Variants in HRH4 observed in about 807,000 individuals in gnomAD.
HRH4 encodes histamine H4 receptor.
Under a neutral mutation model 10.4 loss-of-function variants are expected in HRH4, and 12 were observed. The observed-to-expected ratio is 1.15, with a 90% CI of 0.74 to 1.87. The LOEUF (loss-of-function observed/expected upper bound fraction) is 1.87, where lower values mean the gene tolerates loss of function less well. Ranked by LOEUF, HRH4 falls within the 40% of genes most tolerant of loss-of-function variation. The pLI, the probability that HRH4 is intolerant of heterozygous loss-of-function variation, is 0.00. For synonymous variants in HRH4, 154 were observed against 166.6 expected, an observed-to-expected ratio of 0.92 and a Z score of 0.58; for missense variants, 415 against 453.3, an observed-to-expected ratio of 0.92 and a Z score of 0.77.
At chr18:24,468,086 G>T (rs904126446) in intron 1 of HRH4, among the ~76,000 whole-genome samples, 1 of 152,142 alleles carries the variant, frequency 6.6e-6, no homozygotes, top group Non-Finnish European at 1.5e-5. Flanking sequence ...TGGTGTCTGT[G>T]GGGGGTTTGT....
intron 1 of HRH4, among the ~76,000 whole-genome samples, chr18:24,461,853 C>T (rs933775895): frequency 1.3e-5 from 2 of 150,786 alleles, no homozygotes; most frequent in Non-Finnish European, 2.9e-5. Flanking sequence ...CTGTATAATA[C>T]TGCTAGGTAT....
At chr18:24,473,503 G>A (rs1910038020) in intron 2 of HRH4, among the ~76,000 whole-genome samples, 1 of 152,202 alleles carries the variant, frequency 6.6e-6, no homozygotes, top group Admixed American at 6.5e-5. Context: ...TCCTTGGCTT[G>A]TAGATGCGTC....
In HRH4 at chr18:24,477,717, G is replaced by T; in HGVS notation, c.*155G>T. ...GAATAATAGCAGTATAATATGACTT[G>T]ATAATATTTTTGTAAACTTGTAGTC... is the stretch of plus-strand genomic sequence containing the variant. On this transcript the variant is annotated 3_prime_UTR_variant, in exon 3 of 3. Coordinates refer to ENST00000256906, the MANE Select transcript of HRH4 (RefSeq NM_021624.4). 1.9e-6 allele frequency: 1 copy of T among 530,636 alleles called. No individual in the cohort carries two copies. The highest frequency in any genetic ancestry group is 3.5e-5 in the South Asian group (1 of 28,226). The allele number at this position is 530,636 out of a possible 1,614,324, so 32.9% of individuals were successfully genotyped here.
Position 24,477,653 on chromosome 18 carries a change from C to T in HRH4, c.*91C>T. ...TATCTTGCCCTTTTCATTCTACCAA[C>T]AGATCTGCACTTTGAAGTCAATGGT... is the stretch of plus-strand genomic sequence containing the variant. On this transcript the variant is annotated 3_prime_UTR_variant, in exon 3 of 3. Coordinates refer to ENST00000256906, the MANE Select transcript of HRH4 (RefSeq NM_021624.4). 3.8e-6 allele frequency: 3 copies of T among 788,136 alleles called. No homozygotes were observed. The highest frequency in any genetic ancestry group is 5.9e-6 in the Non-Finnish European group (3 of 505,090). The allele number at this position is 788,136 out of a possible 1,614,324, so 48.8% of individuals were successfully genotyped here. A position where few individuals can be genotyped will look rare whatever the true frequency, so the allele number is the denominator to read the frequency against.
intron 2 of HRH4, among the ~76,000 whole-genome samples, chr18:24,475,059 T>C (rs753209399): frequency 2.0e-5 from 3 of 152,164 alleles, no homozygotes; most frequent in Non-Finnish European, 2.9e-5. Flanking sequence ...TTATACCTCA[T>C]AGAGTGATTG....
Position 24,479,789 on chromosome 18 carries a change from C to A in HRH4, c.*2227C>A, listed in dbSNP as rs1262817831. On this transcript the variant is annotated 3_prime_UTR_variant, in exon 3 of 3. Coordinates refer to ENST00000256906, the MANE Select transcript of HRH4 (RefSeq NM_021624.4). Reference sequence around the variant, plus strand: ...TTTCATGTTTCTTAGAAACTTTAAACCTTTAACTTCAAACATTAAAATACA... The same window carrying A: ...TTTCATGTTTCTTAGAAACTTTAAAACTTTAACTTCAAACATTAAAATACA... 1 of 152,092 alleles carries A rather than the reference C, an allele frequency of 6.6e-6. No homozygotes were observed. The highest frequency in any genetic ancestry group is 1.5e-5 in the Non-Finnish European group (1 of 68,024). 9.4% of individuals were successfully genotyped at this position (152,092 alleles called of 1,614,324 possible).
chr18:24,463,676 T>C (rs970386858), intron 1 of HRH4, among the ~76,000 whole-genome samples: 2 of 152,190 alleles, frequency 1.3e-5, no homozygotes, highest in Non-Finnish European at 1.5e-5. Context: ...GTGGCTTTGC[T>C]GGCTGAATGC....
Position 24,477,146 on chromosome 18 carries a change from CAG to C in HRH4, c.760_761del (p.Arg254GlufsTer4). The C allele has an allele frequency of 6.2e-7, 1 of 1,614,190 alleles. No individual in the cohort carries two copies. Among genetic ancestry groups the C allele is most frequent in the Non-Finnish European group, 8.5e-7 (1 of 1,180,038 alleles). On this transcript the variant is annotated frameshift_variant, in exon 3 of 3. Transcript: ENST00000256906. LOFTEE classifies it low-confidence loss of function (END_TRUNC). The part of the protein sequence containing the change: ...EVPASFHSER[Q>X]RRKSSLMFSS... ...TCCTGCATCCTTTCATTCAGAGAGACAGAGGAGAAAGAGTAGTCTCATGTTTT... is the reference window on the plus strand; with the variant it reads ...TCCTGCATCCTTTCATTCAGAGAGACAGGAGAAAGAGTAGTCTCATGTTTT...
At position 24,478,849 on chromosome 18, in the gene HRH4, T is replaced by C. The variant is rs1294148225; in HGVS notation, c.*1287T>C. The C allele has an allele frequency of 1.3e-5, 2 of 151,960 alleles. No homozygotes were observed. Among genetic ancestry groups the C allele is most frequent in the African/African-American group, 4.8e-5 (2 of 41,360 alleles). The allele number at this position is 151,960 out of a possible 1,614,324, so 9.4% of individuals were successfully genotyped here. On this transcript the variant is annotated 3_prime_UTR_variant, in exon 3 of 3. Transcript: ENST00000256906. ...CACCACACCTGGATAATTAAAAAATTATTTCTGTAGAGATGAAGTCTCACT... is the reference window on the plus strand; with the variant it reads ...CACCACACCTGGATAATTAAAAAATCATTTCTGTAGAGATGAAGTCTCACT...
At chr18:24,464,403 GT>G (rs759011777) in intron 1 of HRH4, among the ~76,000 whole-genome samples, 6 of 152,022 alleles carry the variant, frequency 3.9e-5, no homozygotes, top group Non-Finnish European at 8.8e-5. Context: ...CTTATGAACT[GT>G]TTTACTCTTA....
At chr18:24,467,841 G>T (rs1909819621) in intron 1 of HRH4, among the ~76,000 whole-genome samples, 1 of 152,200 alleles carries the variant, frequency 6.6e-6, no homozygotes, top group South Asian at 2.1e-4. Flanking sequence ...ACCGTGCCCG[G>T]CCTGAATTGA....
chr18:24,476,675 A>G, intron 2 of HRH4, 72 bp from the exon 3 acceptor site: 2 of 1,159,816 alleles, frequency 1.7e-6, no homozygotes, highest in Non-Finnish European at 2.5e-6. Context: ...TGAAATTTCT[A>G]AGGATCTATG....
chr18:24,470,915 T>C (rs1418180063), intron 2 of HRH4, among the ~76,000 whole-genome samples: 1 of 142,980 alleles, frequency 7.0e-6, no homozygotes, highest in African/African-American at 2.7e-5. Context: ...AGGGAAGAAG[T>C]CCAGAGCAAG....
At chr18:24,476,722 T>G in intron 2 of HRH4, 25 bp from the exon 3 acceptor site, 1 of 1,516,456 alleles carries the variant, frequency 6.6e-7, no homozygotes, top group Non-Finnish European at 9.1e-7. Flanking sequence ...ATTCATTATA[T>G]TGAAAATAAT....
chr18:24,468,648 A>G, intron 1 of HRH4, 140 bp from the exon 2 acceptor site: 1 of 806,728 alleles, frequency 1.2e-6, no homozygotes. Flanking sequence ...TGCTTGATGA[A>G]ATACCGTGAA....
chr18:24,470,052 TG>T (rs1351877577), intron 2 of HRH4, among the ~76,000 whole-genome samples: 1 of 152,186 alleles, frequency 6.6e-6, no homozygotes, highest in Non-Finnish European at 1.5e-5. Flanking sequence ...AGTGCTGTCC[TG>T]GGGTGTTGAG....
chr18:24,461,213 C>T (rs565323674), intron 1 of HRH4, among the ~76,000 whole-genome samples: 2 of 152,160 alleles, frequency 1.3e-5, no homozygotes, highest in East Asian at 3.9e-4. Context: ...TTACTTGTTT[C>T]TGGTGCTATT....
chr18:24,478,115 G>T lies in HRH4; in HGVS notation c.*553G>T, dbSNP rs943140576. 3 of 152,556 alleles carry T rather than the reference G, an allele frequency of 2.0e-5. No homozygotes were observed. In the South Asian group the frequency reaches 6.2e-4, roughly 32 times the overall value. 9.5% of individuals were successfully genotyped at this position (152,556 alleles called of 1,614,324 possible). A position where few individuals can be genotyped will look rare whatever the true frequency, so the allele number is the denominator to read the frequency against. On this transcript the variant is annotated 3_prime_UTR_variant, in exon 3 of 3. Coordinates refer to ENST00000256906, the MANE Select transcript of HRH4 (RefSeq NM_021624.4). ...GAAGAAAGCGTAGTGTGGGAGAGGA[G>T]AGAGCTGATGACTGCAGTTCTCAAA...
At position 24,477,744 on chromosome 18, in the gene HRH4, TAATA is replaced by T; in HGVS notation, c.*183_*186del. 2.0e-6 allele frequency: 1 copy of T among 502,602 alleles called. No individual in the cohort carries two copies. Among genetic ancestry groups the T allele is most frequent in the Non-Finnish European group, 3.5e-6 (1 of 285,448 alleles). 31.1% of individuals were successfully genotyped at this position (502,602 alleles called of 1,614,324 possible). A position where few individuals can be genotyped will look rare whatever the true frequency, so the allele number is the denominator to read the frequency against. Reference sequence around the variant, plus strand: ...TAATATTTTTGTAAACTTGTAGTCATAATAGTACTATATTCTTCTTAGTCCTCAC... The same window carrying T: ...TAATATTTTTGTAAACTTGTAGTCATGTACTATATTCTTCTTAGTCCTCAC... On this transcript the variant is annotated 3_prime_UTR_variant, in exon 3 of 3. Coordinates refer to ENST00000256906, the MANE Select transcript of HRH4 (RefSeq NM_021624.4).
Sources: gnomAD v4.1 joint callset for allele counts (sites outside exome capture counted in the v4.1 genomes callset) on GRCh38, gnomAD v4.1.1 for gene constraint, MANE v1.5 for transcripts, NCBI Gene and HGNC (gene_info 2026-07-23, HGNC 2026-07-21) for gene names.